The following CATSPERB variants were observed in gnomAD, a reference collection of about 807,000 sequenced individuals.
CATSPERB encodes the protein cation channel sperm-associated auxiliary subunit beta.
Under a neutral mutation model 128.3 loss-of-function variants are expected in CATSPERB, and 93 were observed. That is an observed-to-expected ratio of 0.72 (90% CI 0.61 to 0.86). The LOEUF (loss-of-function observed/expected upper bound fraction) is 0.86, where lower values mean the gene tolerates loss of function less well. CATSPERB is among the 40% of genes least tolerant of loss of function. CATSPERB has a pLI of 0.00. For synonymous variants in CATSPERB, 381 were observed against 448.8 expected (o/e 0.85, Z 1.91); for missense variants, 1,153 against 1,329.5 (o/e 0.87, Z 2.06).
chr14:91,682,081 T>C (rs182553657), intron 11 of CATSPERB, among the ~76,000 whole-genome samples: 16 of 152,330 alleles, frequency 1.1e-4, no homozygotes, highest in African/African-American at 3.8e-4. Context: ...AACAGACTGC[T>C]GAGTCTGTGG....
At position 91,593,146 on chromosome 14, in the gene CATSPERB, C is replaced by T. The variant is rs146407976; in HGVS notation, c.2710-1144G>A. ...AGATGTATGGAAACACCTGGATGCC[C>T]AGGCAAAAGTTTTCTGCAGGGGTGG... is the stretch of plus-strand genomic sequence containing the variant. On this transcript the variant is annotated intron_variant, in intron 22 of 26. Transcript: ENST00000256343. 1.1e-3 allele frequency among the ~76,000 whole-genome samples: 172 copies of T among 152,360 alleles called. 1 individual carries two copies. The highest frequency in any genetic ancestry group is 3.8e-3 in the African/African-American group (156 of 41,580).
intron 19 of CATSPERB, 21 bp from the exon 20 acceptor site, chr14:91,617,757 G>C (rs1595148975): frequency 6.5e-7 from 1 of 1,534,422 alleles, no homozygotes; most frequent in Admixed American, 2.0e-5. Flanking sequence ...AAGGTTAACA[G>C]TTAATATTAG....
At chr14:91,603,310 C>G (rs531074301) in intron 22 of CATSPERB, 6 of 1,528,316 alleles carry the variant, frequency 3.9e-6, no homozygotes, top group Admixed American at 3.3e-5. Context: ...GGTTTATAAT[C>G]TGTATCAGGA....
intron 15 of CATSPERB, among the ~76,000 whole-genome samples, chr14:91,654,454 T>C (rs908933609): frequency 6.6e-6 from 1 of 152,120 alleles, no homozygotes; most frequent in Non-Finnish European, 1.5e-5. Context: ...GAGTGAATAG[T>C]GGCGGTAGCC....
At chr14:91,687,282 A>G (rs899649117) in intron 10 of CATSPERB, among the ~76,000 whole-genome samples, 2 of 152,156 alleles carry the variant, frequency 1.3e-5, no homozygotes, top group Non-Finnish European at 2.9e-5. Context: ...GGTGTTGAAA[A>G]TGCTCATTTC....
chr14:91,594,642 T>TA (rs1893472485), intron 22 of CATSPERB, among the ~76,000 whole-genome samples: 1 of 152,192 alleles, frequency 6.6e-6, no homozygotes, highest in Non-Finnish European at 1.5e-5. Context: ...ATCAGCAGTG[T>TA]AAAAATGGAC....
chr14:91,639,232 G>T lies in CATSPERB; in HGVS notation c.1451C>A (p.Ala484Glu). The change falls in exon 16 of 27, where the codon GCA becomes GAA. Residue 484 changes from alanine (A) to glutamate (E), a missense_variant. Transcript: ENST00000256343. The part of the protein sequence containing the change: ...STKAGMGRYS[A>E]VGSVTERIFT... Reference sequence around the variant, plus strand: ...AATTCTCTCAGTAACACTTCCGACTGCACTGTATCTTCCCATTCCTATTAG... The same window carrying T: ...AATTCTCTCAGTAACACTTCCGACTTCACTGTATCTTCCCATTCCTATTAG... 2 of 1,613,302 alleles carry T rather than the reference G, an allele frequency of 1.2e-6. No individual in the cohort carries two copies. The highest frequency in any genetic ancestry group is 1.7e-6 in the Non-Finnish European group (2 of 1,179,588).
At chr14:91,663,644 C>CAAAAAA (rs34498815) in intron 14 of CATSPERB, among the ~76,000 whole-genome samples, 2 of 86,774 alleles carry the variant, frequency 2.3e-5, no homozygotes, top group African/African-American at 4.8e-5. Flanking sequence ...GACTCCGTCT[C>CAAAAAA]AAAAAAAAAA....
At chr14:91,589,968 A>G (rs1310021097) in intron 23 of CATSPERB, among the ~76,000 whole-genome samples, 3 of 152,168 alleles carry the variant, frequency 2.0e-5, no homozygotes, top group Non-Finnish European at 4.4e-5. Context: ...GAGGCTGTGC[A>G]TAGATTGCTC....
intron 14 of CATSPERB, among the ~76,000 whole-genome samples, chr14:91,667,627 C>G (rs971662668): frequency 6.6e-6 from 1 of 152,220 alleles, no homozygotes; most frequent in Non-Finnish European, 1.5e-5. Context: ...TAAATAGACT[C>G]TTTGGCAGCA....
chr14:91,693,852 T>C (rs74408241), intron 7 of CATSPERB, among the ~76,000 whole-genome samples: 2,198 of 152,248 alleles, frequency 0.014, 53 homozygotes, highest in African/African-American at 0.05. Context: ...TGAGAATCAA[T>C]AAGTGCAGTC....
intron 16 of CATSPERB, among the ~76,000 whole-genome samples, chr14:91,638,833 T>C (rs572500583): frequency 5.1e-4 from 77 of 152,310 alleles, no homozygotes; most frequent in Admixed American, 1.4e-3. Context: ...TAGCTTAGAA[T>C]GTTTAGTGGT....
At chr14:91,625,562 T>C (rs763945823) in intron 17 of CATSPERB, among the ~76,000 whole-genome samples, 2 of 152,134 alleles carry the variant, frequency 1.3e-5, no homozygotes, top group African/African-American at 2.4e-5. Flanking sequence ...TTTTTAACAG[T>C]GTAGGGAAAA....
At chr14:91,720,148 AAGAGAAAAATCTTAAAAGCATCC>A (rs1489149880) in intron 4 of CATSPERB, among the ~76,000 whole-genome samples, 28 of 152,130 alleles carry the variant, frequency 1.8e-4, no homozygotes, top group Admixed American at 1.8e-3. Flanking sequence ...GGTAAATCCA[AAGAGAAAAATCTTAAAAGCATCC>A]AGAGAAAAAT....
In CATSPERB at chr14:91,580,885, G is replaced by T. The variant is rs554423169; in HGVS notation, c.*4C>A. 6.2e-7 allele frequency: 1 copy of T among 1,609,042 alleles called. No individual in the cohort carries two copies. The highest frequency in any genetic ancestry group is 1.1e-5 in the South Asian group (1 of 90,888). ...AATAAAGAGAAATTATGATCACCATGTGTTCACTCTTCAGACTTTGATCTA... is the reference window on the plus strand; with the variant it reads ...AATAAAGAGAAATTATGATCACCATTTGTTCACTCTTCAGACTTTGATCTA... On this transcript the variant is annotated 3_prime_UTR_variant, in exon 27 of 27. Transcript: ENST00000256343.
At chr14:91,684,475 CAAAT>C (rs1402360695) in intron 10 of CATSPERB, among the ~76,000 whole-genome samples, 2 of 152,124 alleles carry the variant, frequency 1.3e-5, no homozygotes, top group Non-Finnish European at 2.9e-5. Context: ...TTCTGACCTT[CAAAT>C]TTCTGTTGGG....
At chr14:91,636,273 G>A in intron 17 of CATSPERB, 152 bp downstream of exon 17, 1 of 661,268 alleles carries the variant, frequency 1.5e-6, no homozygotes. Flanking sequence ...TGGGGCCAGA[G>A]CATTGCTTGA....
intron 11 of CATSPERB, among the ~76,000 whole-genome samples, chr14:91,676,077 C>T (rs768242406): frequency 1.1e-4 from 17 of 152,042 alleles, no homozygotes; most frequent in Non-Finnish European, 1.8e-4. Flanking sequence ...TGCAGCAGGA[C>T]CTGAACTTAG....
chr14:91,689,396 A>T (rs1260267594), intron 10 of CATSPERB, among the ~76,000 whole-genome samples: 14 of 152,236 alleles, frequency 9.2e-5, no homozygotes, highest in Non-Finnish European at 1.8e-4. Flanking sequence ...CAGTGAGCCC[A>T]GCTGTCCAGT....
Sources: gnomAD v4.1 joint callset for allele counts (sites outside exome capture counted in the v4.1 genomes callset) on GRCh38, gnomAD v4.1.1 for gene constraint, MANE v1.5 for transcripts, NCBI Gene and HGNC (gene_info 2026-07-23, HGNC 2026-07-21) for gene names.